Variants in ELAVL2 observed in about 807,000 individuals in gnomAD.
The protein encoded by ELAVL2 is ELAV-like protein 2.
Under a neutral mutation model 34.6 loss-of-function variants are expected in ELAVL2, and 4 were observed. The observed-to-expected ratio is 0.12, with a 90% CI of 0.06 to 0.26. The LOEUF (loss-of-function observed/expected upper bound fraction) is 0.26, where lower values mean the gene tolerates loss of function less well. Among genes scored for constraint, ELAVL2 ranks in the 10% least tolerant of loss-of-function variants. The pLI is 1.00. For synonymous variants in ELAVL2, 193 were observed against 154.8 expected (o/e 1.25, Z -1.83); for missense variants, 432 against 442.8 (o/e 0.98, Z 0.22).
At chr9:23,730,174 G>C (rs1274983822) in intron 3 of ELAVL2, among the ~76,000 whole-genome samples, 1 of 152,106 alleles carries the variant, frequency 6.6e-6, no homozygotes, top group South Asian at 2.1e-4. Flanking sequence ...CTAAGAATTT[G>C]CTAGAGGCGA....
chr9:23,769,691 C>A (rs2056951743), intron 1 of ELAVL2, among the ~76,000 whole-genome samples: 1 of 152,242 alleles, frequency 6.6e-6, no homozygotes, highest in Non-Finnish European at 1.5e-5. Context: ...CCCACATTTT[C>A]AGCCTTGGGG....
chr9:23,829,753 G>GC (rs929026216), upstream of ELAVL2: 6 of 152,160 alleles, frequency 3.9e-5, no homozygotes, highest in Non-Finnish European at 8.8e-5. Context: ...TGGCAACCAC[G>GC]CAAGAGAAAG....
intron 3 of ELAVL2, among the ~76,000 whole-genome samples, chr9:23,705,635 G>A (rs895227168): frequency 1.3e-5 from 2 of 152,148 alleles, no homozygotes; most frequent in Non-Finnish European, 2.9e-5. Context: ...CCATGGTGGG[G>A]GATGCATTAG....
At chr9:23,711,697 G>A (rs1394683202) in intron 3 of ELAVL2, among the ~76,000 whole-genome samples, 2 of 152,256 alleles carry the variant, frequency 1.3e-5, no homozygotes, top group Non-Finnish European at 1.5e-5. Flanking sequence ...TGCATTATAT[G>A]CCTTGTTTTC....
At chr9:23,794,420 A>C (rs1428725924) in intron 1 of ELAVL2, among the ~76,000 whole-genome samples, 1 of 152,230 alleles carries the variant, frequency 6.6e-6, no homozygotes, top group Non-Finnish European at 1.5e-5. Flanking sequence ...GGCCTCTTGC[A>C]GGAGAAAAGG....
rs533931779 is a variant in ELAVL2, at chr9:23,761,602, T to C, written c.229+404A>G. Among the ~76,000 whole-genome samples, 3 of 152,184 alleles carry C rather than the reference T, an allele frequency of 2.0e-5. No homozygotes were observed. In the South Asian group the frequency reaches 6.2e-4, roughly 32 times the overall value. ...TTATCATATATAAGCAAAATGATTA[T>C]ATTAACATAAGGAAAACACATTTTA... On this transcript the variant is annotated intron_variant, in intron 2 of 6. Transcript: ENST00000397312.
At chr9:23,832,452 C>A in the ELAVL2 span, 1 of 152,106 alleles carries the variant, frequency 6.6e-6, no homozygotes, top group African/African-American at 2.4e-5. Flanking sequence ...AAATTTTATG[C>A]ATTATTTAAA....
chr9:23,799,475 C>T (rs933287133), intron 1 of ELAVL2, among the ~76,000 whole-genome samples: 2 of 152,202 alleles, frequency 1.3e-5, no homozygotes, highest in African/African-American at 4.8e-5. Flanking sequence ...TCTTACTCCA[C>T]CCCACCACGT....
intron 1 of ELAVL2, chr9:23,779,117 A>T (rs886949476): frequency 1.1e-6 from 1 of 886,184 alleles, no homozygotes; most frequent in Non-Finnish European, 1.4e-6. Flanking sequence ...CCCTTGAATT[A>T]ACATTAAATT....
At chr9:23,751,511 C>G (rs2052022921) in intron 2 of ELAVL2, among the ~76,000 whole-genome samples, 5 of 152,124 alleles carry the variant, frequency 3.3e-5, no homozygotes, top group Admixed American at 6.6e-5. Context: ...GATCTGCTAA[C>G]ACTGCAGGAA....
intron 1 of ELAVL2, among the ~76,000 whole-genome samples, chr9:23,772,034 C>G (rs913324888): frequency 6.6e-6 from 1 of 152,140 alleles, no homozygotes; most frequent in Admixed American, 6.5e-5. Context: ...AGAATAAAAT[C>G]AACTACTCCC....
chr9:23,697,704 A>G (rs1287273493), intron 5 of ELAVL2, among the ~76,000 whole-genome samples: 5 of 152,162 alleles, frequency 3.3e-5, no homozygotes, highest in Admixed American at 1.3e-4. Flanking sequence ...GTAGAAAATA[A>G]AAATAAAGTA....
intron 1 of ELAVL2, among the ~76,000 whole-genome samples, chr9:23,778,254 A>T (rs2058536213): frequency 1.3e-5 from 2 of 152,184 alleles, no homozygotes; most frequent in South Asian, 2.1e-4. Context: ...GGATAGACAA[A>T]AACAAGCAGA....
intron 3 of ELAVL2, among the ~76,000 whole-genome samples, chr9:23,717,475 T>A (rs1389360452): frequency 6.6e-6 from 1 of 152,230 alleles, no homozygotes; most frequent in African/African-American, 2.4e-5. Context: ...TGTAGAAGGT[T>A]ATTACTTGAT....
intron 3 of ELAVL2, among the ~76,000 whole-genome samples, chr9:23,723,899 G>A (rs1156909930): frequency 6.6e-6 from 1 of 151,958 alleles, no homozygotes; most frequent in Non-Finnish European, 1.5e-5. Flanking sequence ...CACACAGACA[G>A]CAACAATTTC....
intron 1 of ELAVL2, among the ~76,000 whole-genome samples, chr9:23,773,101 C>A (rs1283271333): frequency 6.6e-6 from 1 of 152,078 alleles, no homozygotes; most frequent in Non-Finnish European, 1.5e-5. Context: ...ACATTCAATG[C>A]AAGTGTTATT....
intron 1 of ELAVL2, among the ~76,000 whole-genome samples, chr9:23,820,625 G>C (rs1440030133): frequency 6.7e-6 from 1 of 150,224 alleles, no homozygotes. Context: ...AGGCTTTTAA[G>C]GAAATGCCGT....
chr9:23,729,336 A>C (rs985303367), intron 3 of ELAVL2, among the ~76,000 whole-genome samples: 3 of 152,156 alleles, frequency 2.0e-5, no homozygotes, highest in African/African-American at 7.2e-5. Context: ...CAACGCTGGA[A>C]ATCAATATAA....
Position 23,787,282 on chromosome 9 carries a change from G to A in ELAVL2, c.-15-25033C>T, listed in dbSNP as rs536605193. ...TCCCCATTTTTTTTTTTTTTGAGAC[G>A]GAGTTTCGCTCTTGTCTCCCAGGCT... On this transcript the variant is annotated intron_variant, in intron 1 of 6. Transcript: ENST00000397312. Among the ~76,000 whole-genome samples, 55 of 149,074 alleles carry A rather than the reference G, an allele frequency of 3.7e-4. 1 individual carries two copies. Among genetic ancestry groups the A allele is most frequent in the Non-Finnish European group, 7.4e-4 (50 of 67,456 alleles).
Sources: allele counts gnomAD v4.1 joint callset (sites outside exome capture counted in the v4.1 genomes callset), GRCh38; gene constraint gnomAD v4.1.1; transcripts MANE v1.5; gene names NCBI Gene and HGNC (gene_info 2026-07-23, HGNC 2026-07-21).